The following LHFPL3 variants were observed in gnomAD, a reference collection of about 807,000 sequenced individuals.
LHFPL3 encodes LHFPL tetraspan subfamily member 3.
LHFPL3 carries 5 observed loss-of-function variants against 19.3 expected under a neutral mutation model. The observed-to-expected ratio is 0.26, with a 90% CI of 0.14 to 0.54. The LOEUF is 0.54. Among genes scored for constraint, LHFPL3 ranks in the 20% least tolerant of loss-of-function variants. The pLI is 0.94. For missense variants in LHFPL3, 249 were observed against 307.4 expected (o/e 0.81, Z 1.42); for synonymous variants, 133 against 126.2 (o/e 1.05, Z -0.36).
intron 1 of LHFPL3, among the ~76,000 whole-genome samples, chr7:104,646,226 A>G (rs150971945): frequency 6.6e-6 from 1 of 152,344 alleles, no homozygotes; most frequent in Non-Finnish European, 1.5e-5. Context: ...TTTGAGCTGT[A>G]TTGTAAGTGG....
At chr7:104,552,370 T>C (rs1031803068) in intron 1 of LHFPL3, among the ~76,000 whole-genome samples, 2 of 152,192 alleles carry the variant, frequency 1.3e-5, no homozygotes, top group Non-Finnish European at 2.9e-5. Flanking sequence ...TCCTGACTTA[T>C]TACTATAGCC....
chr7:104,758,988 T>A (rs565886627), intron 2 of LHFPL3, among the ~76,000 whole-genome samples: 1 of 152,362 alleles, frequency 6.6e-6, no homozygotes, highest in East Asian at 1.9e-4. Flanking sequence ...TCAGGTAATT[T>A]CACAAATGTT....
chr7:104,772,179 A>G (rs2116400900), intron 2 of LHFPL3, among the ~76,000 whole-genome samples: 1 of 152,178 alleles, frequency 6.6e-6, no homozygotes, highest in East Asian at 1.9e-4. Flanking sequence ...CCTATTAATA[A>G]CTGCTTATAT....
At chr7:104,846,215 G>A (rs1791310382) in intron 2 of LHFPL3, among the ~76,000 whole-genome samples, 1 of 152,098 alleles carries the variant, frequency 6.6e-6, no homozygotes, top group Non-Finnish European at 1.5e-5. Context: ...GTGATAAACT[G>A]GATTTACAGA....
At chr7:104,822,463 C>G (rs958467465) in intron 2 of LHFPL3, among the ~76,000 whole-genome samples, 3 of 152,172 alleles carry the variant, frequency 2.0e-5, no homozygotes, top group African/African-American at 7.2e-5. Flanking sequence ...CCAGCTAATT[C>G]TGTGGGGGAT....
chr7:104,554,365 T>C (rs1340170482), intron 1 of LHFPL3, among the ~76,000 whole-genome samples: 1 of 152,166 alleles, frequency 6.6e-6, no homozygotes, highest in Non-Finnish European at 1.5e-5. Flanking sequence ...AAGTTCCACA[T>C]CTTGCAAGGA....
chr7:104,511,879 A>C (rs376090710), intron 1 of LHFPL3, among the ~76,000 whole-genome samples: 1 of 151,430 alleles, frequency 6.6e-6, no homozygotes, highest in East Asian at 1.9e-4. Context: ...GATTCTAAGT[A>C]TGTCCTCTGA....
chr7:104,399,922 G>A lies in LHFPL3; in HGVS notation c.445+70698G>A, dbSNP rs1791278080. Among the ~76,000 whole-genome samples the A allele has an allele frequency of 6.6e-6, 1 of 150,968 alleles. No individual in the cohort carries two copies. The highest frequency in any genetic ancestry group is 1.5e-5 in the Non-Finnish European group (1 of 67,742). ...AGTTTGAGACCAGCCTGGCCAACAT[G>A]GTTAAACCCTGTCTCTACTAAAAAT... On this transcript the variant is annotated intron_variant, in intron 1 of 2. Transcript: ENST00000424859. This position sits in a 1 kb window ranked among gnomAD's most constrained non-coding sequence, Gnocchi z 4.4.
At chr7:104,602,130 C>T (rs1790984167) in intron 1 of LHFPL3, among the ~76,000 whole-genome samples, 1 of 144,838 alleles carries the variant, frequency 6.9e-6, no homozygotes, top group South Asian at 2.3e-4. Context: ...AAGCAATTCT[C>T]CTGCCTCAGC....
At chr7:104,708,472 C>T (rs1793232630) in intron 1 of LHFPL3, among the ~76,000 whole-genome samples, 1 of 152,134 alleles carries the variant, frequency 6.6e-6, no homozygotes, top group Non-Finnish European at 1.5e-5. Flanking sequence ...ATAAATCAAG[C>T]TCACATTGTT....
intron 1 of LHFPL3, among the ~76,000 whole-genome samples, chr7:104,379,547 G>T (rs1408912582): frequency 6.6e-6 from 1 of 152,168 alleles, no homozygotes; most frequent in Non-Finnish European, 1.5e-5. Flanking sequence ...TATTGGACAA[G>T]TCAATTATTT....
chr7:104,591,025 T>A (rs181357797), intron 1 of LHFPL3, among the ~76,000 whole-genome samples: 95 of 152,254 alleles, frequency 6.2e-4, no homozygotes, highest in African/African-American at 2.2e-3. Context: ...ATAAGATGGG[T>A]CTCCCGAATA....
chr7:104,615,813 G>T (rs1232675573), intron 1 of LHFPL3, among the ~76,000 whole-genome samples: 2 of 151,908 alleles, frequency 1.3e-5, no homozygotes, highest in Non-Finnish European at 1.5e-5. Flanking sequence ...GCCGAATGAT[G>T]GTTTCCAGCT....
chr7:104,565,760 TATCTATCTATCTA>T (rs1253799295), intron 1 of LHFPL3, among the ~76,000 whole-genome samples: 12 of 145,090 alleles, frequency 8.3e-5, no homozygotes, highest in Non-Finnish European at 1.8e-4. Flanking sequence ...TCTATCTATC[TATCTATCTATCTA>T]ATCTATCTAT....
At chr7:104,380,656 A>AT (rs1790809526) in intron 1 of LHFPL3, among the ~76,000 whole-genome samples, 1 of 152,198 alleles carries the variant, frequency 6.6e-6, no homozygotes, top group Admixed American at 6.5e-5. Context: ...GTCAAGTTAG[A>AT]TTTAACTCCA....
At chr7:104,696,035 C>T (rs1467373066) in intron 1 of LHFPL3, among the ~76,000 whole-genome samples, 1 of 152,210 alleles carries the variant, frequency 6.6e-6, no homozygotes, top group Non-Finnish European at 1.5e-5. Flanking sequence ...ACTGCAACCT[C>T]CGCCTCCTGG....
chr7:104,715,401 G>C (rs1271036006), intron 1 of LHFPL3, among the ~76,000 whole-genome samples: 4 of 152,070 alleles, frequency 2.6e-5, no homozygotes, highest in Non-Finnish European at 5.9e-5. Context: ...ACCATTTGAA[G>C]TTTTAAAAGC....
intron 1 of LHFPL3, among the ~76,000 whole-genome samples, chr7:104,383,997 C>T (rs1006192603): frequency 3.3e-5 from 5 of 152,116 alleles, no homozygotes; most frequent in Non-Finnish European, 7.4e-5. Context: ...GACTATTAGC[C>T]GCCTGGTTTT....
intron 1 of LHFPL3, among the ~76,000 whole-genome samples, chr7:104,452,096 T>G (rs1440473809): frequency 6.6e-6 from 1 of 152,108 alleles, no homozygotes; most frequent in African/African-American, 2.4e-5. Context: ...AAGAAAAATT[T>G]CCCCAAAATA....
Sources: allele counts gnomAD v4.1 joint callset (sites outside exome capture counted in the v4.1 genomes callset), GRCh38; gene constraint gnomAD v4.1.1; non-coding constraint Gnocchi (gnomAD v3.1); transcripts MANE v1.5; gene names NCBI Gene and HGNC (gene_info 2026-07-23, HGNC 2026-07-21).